The following NXPE3 variants were observed in gnomAD, a reference collection of about 807,000 sequenced individuals.
NXPE3 encodes the protein NXPE family member 3.
Under a neutral mutation model 46.1 loss-of-function variants are expected in NXPE3, and 26 were observed. The ratio of observed to expected loss-of-function variants is 0.56; its 90% CI spans 0.41 to 0.78. The LOEUF (loss-of-function observed/expected upper bound fraction) is 0.78. NXPE3 is among the 30% of genes least tolerant of loss of function. The pLI, the probability that NXPE3 is intolerant of heterozygous loss-of-function variation, is 0.00. For missense variants in NXPE3, 620 were observed against 686.0 expected, an observed-to-expected ratio of 0.90 and a Z score of 1.07; for synonymous variants, 272 against 257.9, an observed-to-expected ratio of 1.05 and a Z score of -0.52.
At chr3:101,788,617 A>T (rs554204621) in intron 4 of NXPE3, among the ~76,000 whole-genome samples, 2 of 152,254 alleles carry the variant, frequency 1.3e-5, no homozygotes, top group Non-Finnish European at 2.9e-5. Flanking sequence ...GGTCAGTAGC[A>T]TTAAGTCTTT....
At chr3:101,818,707 A>C in intron 7 of NXPE3, among the ~76,000 whole-genome samples, 1 of 94,592 alleles carries the variant, frequency 1.1e-5, no homozygotes, top group East Asian at 3.0e-4. Flanking sequence ...TTAAGAATAT[A>C]TGACAATTTA....
intron 7 of NXPE3, among the ~76,000 whole-genome samples, chr3:101,818,729 ATATATATATATATATATATATATAT>A (rs1942083605): frequency 5.4e-5 from 1 of 18,512 alleles, no homozygotes; most frequent in Non-Finnish European, 1.0e-4. Context: ...ATATATATAT[ATATATATATATATATATATATATAT>A]TTTTTTTTTT....
chr3:101,817,756 A>G (rs1184467482), intron 7 of NXPE3, among the ~76,000 whole-genome samples: 1 of 152,092 alleles, frequency 6.6e-6, no homozygotes, highest in Non-Finnish European at 1.5e-5. Flanking sequence ...CAATTTAGAG[A>G]GCTGATAGTT....
intron 6 of NXPE3, among the ~76,000 whole-genome samples, chr3:101,808,302 A>G (rs1401260991): frequency 6.6e-6 from 1 of 152,232 alleles, no homozygotes; most frequent in African/African-American, 2.4e-5. Context: ...GCTTATGCAG[A>G]TGGCGGGCAA....
Position 101,821,786 on chromosome 3 carries a change from GC to G in NXPE3, c.1513del (p.Leu505TrpfsTer22). 6.2e-7 allele frequency: 1 copy of G among 1,614,230 alleles called. No individual in the cohort carries two copies. The highest frequency in any genetic ancestry group is 8.5e-7 in the Non-Finnish European group (1 of 1,180,044). On this transcript the variant is annotated frameshift_variant, in exon 8 of 8. Coordinates refer to ENST00000273347, the MANE Select transcript of NXPE3 (RefSeq NM_145037.4). LOFTEE classifies it high-confidence loss of function. ...LFNSDWYNFQ[L>X]DTILRRMFSG... ...TCAACAGCGACTGGTACAACTTTCA[GC>G]TGGACACCATCCTTCGGAGGATGTT...
rs1022315968 is a variant in NXPE3, at chr3:101,826,170, G to A, written c.*4216G>A. The A allele has an allele frequency of 1.3e-5, 2 of 152,082 alleles. No homozygotes were observed. Among genetic ancestry groups the A allele is most frequent in the Non-Finnish European group, 2.9e-5 (2 of 68,002 alleles). The allele number at this position is 152,082 out of a possible 1,614,324, so 9.4% of individuals were successfully genotyped here. ...TTAGTTTGCAGATTGGTAAATCAGG[G>A]TACTTGACAAGAATAAATATGGTAC... On this transcript the variant is annotated 3_prime_UTR_variant, in exon 8 of 8. Transcript: ENST00000273347.
intron 4 of NXPE3, among the ~76,000 whole-genome samples, chr3:101,800,635 T>G (rs1941085898): frequency 2.6e-5 from 4 of 152,246 alleles, no homozygotes; most frequent in African/African-American, 9.6e-5. Flanking sequence ...TAGATTCATC[T>G]ATTTCTCCAT....
Position 101,828,135 on chromosome 3 carries a change from A to G in NXPE3, c.*6181A>G, listed in dbSNP as rs531814143. On this transcript the variant is annotated 3_prime_UTR_variant, in exon 8 of 8. Transcript: ENST00000273347. ...ATTATCGCTGATTACAGCTGGAAACAATTGATTTGCTCTTACGTATTTGTG... is the reference window on the plus strand; with the variant it reads ...ATTATCGCTGATTACAGCTGGAAACGATTGATTTGCTCTTACGTATTTGTG... The G allele has an allele frequency of 5.9e-5, 9 of 152,320 alleles. No homozygotes were observed. The highest frequency in any genetic ancestry group is 1.9e-4 in the East Asian group (1 of 5,186). 9.4% of individuals were successfully genotyped at this position (152,320 alleles called of 1,614,324 possible).
chr3:101,789,019 C>G (rs1405248931), intron 4 of NXPE3, among the ~76,000 whole-genome samples: 1 of 152,160 alleles, frequency 6.6e-6, no homozygotes, highest in Non-Finnish European at 1.5e-5. Flanking sequence ...TACTCCTGAT[C>G]ACTCTGACCA....
chr3:101,807,351 G>A (rs1177489203), intron 6 of NXPE3, among the ~76,000 whole-genome samples: 1 of 151,988 alleles, frequency 6.6e-6, no homozygotes, highest in Non-Finnish European at 1.5e-5. Flanking sequence ...ACAGGGTCTT[G>A]CTCTGTTACC....
chr3:101,815,996 G>GA lies in NXPE3; in HGVS notation c.923-788dup, dbSNP rs879838918. 1.6e-3 allele frequency among the ~76,000 whole-genome samples: 220 copies of GA among 138,310 alleles called. 2 individuals are homozygous for GA. Among genetic ancestry groups the GA allele is most frequent in the East Asian group, 0.012 (58 of 4,732 alleles). 90.7% of individuals were successfully genotyped at this position (138,310 alleles called of 152,430 possible). On this transcript the variant is annotated intron_variant, in intron 6 of 7. Transcript: ENST00000273347. The stretch of plus-strand genomic sequence containing the variant: ...GGCGACAGAGCGAGACTCTGTCTCG[G>GA]AAAAAAAAAAAGCAAAACTTAGCCA...
intron 4 of NXPE3, among the ~76,000 whole-genome samples, chr3:101,795,158 A>G (rs1220464547): frequency 6.6e-6 from 1 of 152,206 alleles, no homozygotes; most frequent in Non-Finnish European, 1.5e-5. Context: ...TGCTTCTGAC[A>G]CTCACTATAC....
At chr3:101,780,074 A>T (rs200262284) in intron 1 of NXPE3, 1 of 152,182 alleles carries the variant, frequency 6.6e-6, no homozygotes. Context: ...CATTATTTAC[A>T]TTAAAGGGGG....
intron 4 of NXPE3, among the ~76,000 whole-genome samples, chr3:101,797,358 A>T (rs1366695179): frequency 6.6e-6 from 1 of 152,108 alleles, no homozygotes; most frequent in African/African-American, 2.4e-5. Flanking sequence ...CTTGGCTTCT[A>T]ATCCTCTGCT....
chr3:101,811,446 A>G (rs1166985285), intron 6 of NXPE3, among the ~76,000 whole-genome samples: 1 of 152,218 alleles, frequency 6.6e-6, no homozygotes, highest in Non-Finnish European at 1.5e-5. Flanking sequence ...CCTTCAAAAT[A>G]ACTAGTAGTT....
intron 4 of NXPE3, 73 bp from the exon 5 acceptor site, chr3:101,801,162 C>A: frequency 6.9e-7 from 1 of 1,444,010 alleles, no homozygotes; most frequent in Non-Finnish European, 9.4e-7. Flanking sequence ...GTGTGGGGAG[C>A]CCTCTGAATT....
intron 6 of NXPE3, among the ~76,000 whole-genome samples, chr3:101,811,727 ATTTTTTTTT>A (rs33999838): frequency 3.0e-5 from 3 of 98,622 alleles, no homozygotes; most frequent in Admixed American, 1.1e-4. Context: ...GCAGTAGTTA[ATTTTTTTTT>A]TTTTTTTTTT....
intron 4 of NXPE3, among the ~76,000 whole-genome samples, chr3:101,796,048 G>A (rs897205175): frequency 1.3e-5 from 2 of 152,222 alleles, no homozygotes; most frequent in African/African-American, 4.8e-5. Flanking sequence ...AGTGGTGCCT[G>A]GATTTGGCTG....
At chr3:101,804,587 T>A (rs185030109) in intron 5 of NXPE3, among the ~76,000 whole-genome samples, 1 of 152,330 alleles carries the variant, frequency 6.6e-6, no homozygotes, top group African/African-American at 2.4e-5. Flanking sequence ...AGAAAAAGAT[T>A]GAAATTGATT....
Sources: allele counts gnomAD v4.1 joint callset (sites outside exome capture counted in the v4.1 genomes callset), GRCh38; gene constraint gnomAD v4.1.1; transcripts MANE v1.5; gene names NCBI Gene and HGNC (gene_info 2026-07-23, HGNC 2026-07-21).